The following MDFIC2 variants were observed in gnomAD, a reference collection of about 807,000 sequenced individuals.
The protein encoded by MDFIC2 is MyoD family inhibitor domain containing 2.
chr3:70,275,924 C>A (rs1304869947), intron 2 of MDFIC2, among the ~76,000 whole-genome samples: 2 of 152,030 alleles, frequency 1.3e-5, no homozygotes, highest in Non-Finnish European at 2.9e-5. Flanking sequence ...CGATGCAAAT[C>A]ATGGTAACTA....
chr3:70,238,464 T>A (rs375770543), intron 2 of MDFIC2, among the ~76,000 whole-genome samples: 50 of 151,994 alleles, frequency 3.3e-4, no homozygotes, highest in Middle Eastern at 3.4e-3. Context: ...AAATAAATAA[T>A]TAGCCAGGTA....
chr3:70,298,739 G>A (rs1054449785), intron 2 of MDFIC2, among the ~76,000 whole-genome samples: 4 of 152,066 alleles, frequency 2.6e-5, no homozygotes, highest in Admixed American at 6.6e-5. Context: ...TGTAATGAGT[G>A]CAGATGAGGG....
intron 2 of MDFIC2, among the ~76,000 whole-genome samples, chr3:70,246,149 A>C (rs1187461894): frequency 6.6e-6 from 1 of 152,052 alleles, no homozygotes; most frequent in African/African-American, 2.4e-5. Context: ...GAACCGTAGC[A>C]ACTATTTAAA....
intron 2 of MDFIC2, among the ~76,000 whole-genome samples, chr3:70,249,440 C>A (rs1169357315): frequency 6.6e-6 from 1 of 152,116 alleles, no homozygotes; most frequent in Non-Finnish European, 1.5e-5. Context: ...ATTGCTGTGA[C>A]CTCTGCATCA....
intron 2 of MDFIC2, among the ~76,000 whole-genome samples, chr3:70,302,845 G>A (rs530156031): frequency 2.3e-4 from 35 of 152,144 alleles, no homozygotes; most frequent in South Asian, 8.3e-4. Context: ...CTTTCATTCC[G>A]TTGGGATCAA....
intron 2 of MDFIC2, among the ~76,000 whole-genome samples, chr3:70,268,420 A>G (rs1279794254): frequency 6.8e-6 from 1 of 147,578 alleles, no homozygotes; most frequent in Non-Finnish European, 1.5e-5. Context: ...GGTGGCAGTG[A>G]GCAGAGATCG....
chr3:70,288,624 C>G (rs1260688863), intron 2 of MDFIC2, among the ~76,000 whole-genome samples: 1 of 151,368 alleles, frequency 6.6e-6, no homozygotes, highest in Non-Finnish European at 1.5e-5. Context: ...TGTTGACTTT[C>G]TGTCTCGTTG....
chr3:70,198,939 A>G (rs1701208139), intron 3 of MDFIC2, among the ~76,000 whole-genome samples: 1 of 152,194 alleles, frequency 6.6e-6, no homozygotes, highest in Admixed American at 6.5e-5. Flanking sequence ...GAAAAGGAAA[A>G]GATGGTCAAA....
chr3:70,303,593 A>T (rs1047643390), intron 2 of MDFIC2, among the ~76,000 whole-genome samples: 1 of 152,134 alleles, frequency 6.6e-6, no homozygotes, highest in Non-Finnish European at 1.5e-5. Flanking sequence ...CAGAATCAGT[A>T]TATGTTATTT....
intron 2 of MDFIC2, among the ~76,000 whole-genome samples, chr3:70,256,892 G>T (rs1408736636): frequency 1.3e-5 from 2 of 152,150 alleles, no homozygotes; most frequent in African/African-American, 4.8e-5. Flanking sequence ...ATGGATGCTT[G>T]GGATTTCAGC....
intron 2 of MDFIC2, among the ~76,000 whole-genome samples, chr3:70,261,369 A>G (rs959587237): frequency 6.6e-6 from 1 of 152,184 alleles, no homozygotes; most frequent in Non-Finnish European, 1.5e-5. Flanking sequence ...GTTGATGTGA[A>G]CATGCATATG....
rs1340737904 is a variant in MDFIC2 at position 70,287,542 on chromosome 3, G to A, written c.88+24344C>T. ...CTCTTTTTTGGTTGTGTCTCTGCCC[G>A]GCTTTGGTATCAGAATGATGCTGGC... On this transcript the variant is annotated intron_variant, in intron 2 of 3. Transcript: ENST00000567252. Among the ~76,000 whole-genome samples, 18 of 151,946 alleles carry A rather than the reference G, an allele frequency of 1.2e-4. 1 individual carries two copies. The highest frequency in any genetic ancestry group is 2.9e-4 in the African/African-American group (12 of 41,494).
intron 2 of MDFIC2, among the ~76,000 whole-genome samples, chr3:70,309,440 G>T (rs1306903363): frequency 1.3e-5 from 2 of 151,920 alleles, no homozygotes; most frequent in Non-Finnish European, 2.9e-5. Context: ...TTTTAAAGAG[G>T]GAAAAAAACA....
In MDFIC2 at chr3:70,206,754, T is replaced by A; in HGVS notation, c.125A>T (p.Lys42Ile). 2.5e-6 allele frequency: 1 copy of A among 397,830 alleles called. No homozygotes were observed. 24.6% of individuals were successfully genotyped at this position (397,830 alleles called of 1,614,324 possible). Residue 42 changes from lysine (K) to isoleucine (I), a missense_variant, in exon 3 of 4, where the codon AAA becomes ATA. By Grantham distance (102) the Lys-to-Ile change is moderately radical. Transcript: ENST00000567252. The part of the protein sequence containing the change: ...QLTNAKHADE[K>I]PINAIVINSV... ...ATTTATAACAATAGCATTAATGGGT[T>A]TCTCATCTGCATGCTTTGCATTCGT...
In MDFIC2 at chr3:70,234,803, A is replaced by G. The variant is rs114252206; in HGVS notation, c.89-28013T>C. On this transcript the variant is annotated intron_variant, in intron 2 of 3. Transcript: ENST00000567252. The stretch of plus-strand genomic sequence containing the variant: ...TCCTTGCTTCGTTTTAAGCAAATTA[A>G]TTTTTTAATTGGTGCTGCTTAAGAT... 1.0e-2 allele frequency among the ~76,000 whole-genome samples: 1,519 copies of G among 152,146 alleles called. 15 individuals carry two copies. The highest frequency in any genetic ancestry group is 0.033 in the African/African-American group (1,385 of 41,478).
intron 2 of MDFIC2, among the ~76,000 whole-genome samples, chr3:70,212,182 C>A (rs1449892956): frequency 1.3e-5 from 2 of 152,138 alleles, no homozygotes; most frequent in African/African-American, 4.8e-5. Context: ...CCTGGCACTG[C>A]GCTAACCACT....
At chr3:70,286,756 C>T (rs1167450534) in intron 2 of MDFIC2, among the ~76,000 whole-genome samples, 2 of 152,086 alleles carry the variant, frequency 1.3e-5, no homozygotes. Context: ...TTGTAGTTCT[C>T]CTTGAAGAGG....
intron 2 of MDFIC2, among the ~76,000 whole-genome samples, chr3:70,279,160 TG>T (rs1334735213): frequency 6.6e-6 from 1 of 151,218 alleles, no homozygotes; most frequent in Admixed American, 6.6e-5. Context: ...CAACAATAAG[TG>T]CCATTCCATA....
rs186397249 is a variant in MDFIC2, at chr3:70,196,445, A to G, written c.*481T>C. Among the ~76,000 whole-genome samples, 2 of 152,316 alleles carry G rather than the reference A, an allele frequency of 1.3e-5. No homozygotes were observed. Among genetic ancestry groups the G allele is most frequent in the East Asian group, 3.9e-4 (2 of 5,186 alleles). On this transcript the variant is annotated 3_prime_UTR_variant, in exon 4 of 4. Coordinates refer to ENST00000567252, the MANE Select transcript of MDFIC2 (RefSeq NM_001364677.1). ...CTGTATAAATAAATTTTTAATTACA[A>G]AATGATGTTATACAATACATTATTA...
Sources: gnomAD v4.1 joint callset for allele counts (sites outside exome capture counted in the v4.1 genomes callset) on GRCh38, gnomAD v4.1.1 for gene constraint, MANE v1.5 for transcripts, NCBI Gene and HGNC (gene_info 2026-07-23, HGNC 2026-07-21) for gene names.